SPOCK3: variants seen among roughly 807,000 people sequenced by gnomAD.
The protein encoded by SPOCK3 is SPARC (osteonectin), cwcv and kazal like domains proteoglycan 3, also known as testican-3.
In SPOCK3, 30 loss-of-function variants were observed where a neutral mutation model predicts 56.6. The ratio of observed to expected loss-of-function variants is 0.53; its 90% CI spans 0.40 to 0.72. The LOEUF (loss-of-function observed/expected upper bound fraction) is 0.72, where lower values mean the gene tolerates loss of function less well. Among genes scored for constraint, SPOCK3 ranks in the 30% least tolerant of loss-of-function variants. The pLI is 0.00. For missense variants in SPOCK3, 527 were observed against 530.0 expected (o/e 0.99, Z 0.06); for synonymous variants, 196 against 183.3 (o/e 1.07, Z -0.56).
At chr4:167,152,171 A>C (rs1004941342) in intron 2 of SPOCK3, among the ~76,000 whole-genome samples, 4 of 152,210 alleles carry the variant, frequency 2.6e-5, no homozygotes, top group African/African-American at 9.6e-5. Flanking sequence ...CGTGCGTCCT[A>C]AAGTGGCCAT....
At chr4:167,232,020 A>T (rs1465660345) in intron 2 of SPOCK3, among the ~76,000 whole-genome samples, 2 of 150,718 alleles carry the variant, frequency 1.3e-5, no homozygotes, top group African/African-American at 4.9e-5. Context: ...TACAATTTTG[A>T]TGGACTTTTT....
intron 6 of SPOCK3, among the ~76,000 whole-genome samples, chr4:166,806,615 AAATATGTGAAT>A (rs1743192139): frequency 6.6e-6 from 1 of 152,190 alleles, no homozygotes; most frequent in African/African-American, 2.4e-5. Context: ...CATATATATC[AAATATGTGAAT>A]GTATTATGTA....
intron 4 of SPOCK3, among the ~76,000 whole-genome samples, chr4:166,933,976 TG>T (rs1339742063): frequency 2.0e-5 from 3 of 152,124 alleles, no homozygotes; most frequent in African/African-American, 7.2e-5. Context: ...GTCCTCTATC[TG>T]TGACCCAGGA....
At chr4:167,231,203 T>C (rs1737143482) in intron 2 of SPOCK3, among the ~76,000 whole-genome samples, 1 of 152,040 alleles carries the variant, frequency 6.6e-6, no homozygotes, top group Non-Finnish European at 1.5e-5. Context: ...ATTGTATTTT[T>C]AAATATTATT....
At chr4:166,767,024 C>T (rs184383150) in intron 7 of SPOCK3, among the ~76,000 whole-genome samples, 58 of 152,188 alleles carry the variant, frequency 3.8e-4, no homozygotes, top group African/African-American at 1.2e-3. Context: ...TCTGTGGGAT[C>T]GGTGGTGATA....
chr4:166,769,754 G>A (rs1468814957), intron 7 of SPOCK3, among the ~76,000 whole-genome samples: 1 of 152,150 alleles, frequency 6.6e-6, no homozygotes, highest in Non-Finnish European at 1.5e-5. Flanking sequence ...GGTTTCTGCT[G>A]CCTTTTGTTC....
intron 5 of SPOCK3, among the ~76,000 whole-genome samples, chr4:166,899,893 C>G (rs1735857066): frequency 6.6e-6 from 1 of 152,166 alleles, no homozygotes; most frequent in Non-Finnish European, 1.5e-5. Flanking sequence ...AAACTGCTAT[C>G]TCTTTGATTC....
At chr4:167,154,061 A>C (rs1764618477) in intron 2 of SPOCK3, among the ~76,000 whole-genome samples, 1 of 152,124 alleles carries the variant, frequency 6.6e-6, no homozygotes. Flanking sequence ...TCACATATTT[A>C]GTTTTTCTGT....
At chr4:167,213,771 A>AACTACCTTG (rs575881975) in intron 2 of SPOCK3, among the ~76,000 whole-genome samples, 1,627 of 152,248 alleles carry the variant, frequency 0.011, 27 homozygotes, top group African/African-American at 0.031. Flanking sequence ...CTAAAAGATG[A>AACTACCTTG]CATATGGTGA....
At chr4:166,764,597 C>T (rs1737723443) in intron 7 of SPOCK3, among the ~76,000 whole-genome samples, 1 of 152,120 alleles carries the variant, frequency 6.6e-6, no homozygotes, top group Non-Finnish European at 1.5e-5. Flanking sequence ...TATTGATGGA[C>T]ATTTGGGTTG....
At chr4:166,932,315 C>A (rs528986145) in intron 4 of SPOCK3, among the ~76,000 whole-genome samples, 104 of 152,222 alleles carry the variant, frequency 6.8e-4, no homozygotes, top group African/African-American at 2.4e-3. Context: ...AGTGTGTACT[C>A]TTGGATATAA....
chr4:167,017,603 T>C (rs1347463988), intron 3 of SPOCK3, among the ~76,000 whole-genome samples: 11 of 152,102 alleles, frequency 7.2e-5, no homozygotes, highest in Non-Finnish European at 1.6e-4. Context: ...GAAAAGTGAA[T>C]GAGGAGACAG....
At chr4:167,043,646 T>C (rs1227457825) in intron 3 of SPOCK3, among the ~76,000 whole-genome samples, 1 of 151,980 alleles carries the variant, frequency 6.6e-6, no homozygotes, top group Non-Finnish European at 1.5e-5. Flanking sequence ...TTATCATGAA[T>C]AGGTGTTGAA....
At chr4:167,038,078 A>G (rs535671487) in intron 3 of SPOCK3, among the ~76,000 whole-genome samples, 1 of 152,192 alleles carries the variant, frequency 6.6e-6, no homozygotes, top group Non-Finnish European at 1.5e-5. Context: ...GGCACATGCT[A>G]TGAGACCCCA....
intron 3 of SPOCK3, among the ~76,000 whole-genome samples, chr4:167,032,366 G>GT (rs1206970880): frequency 2.6e-5 from 4 of 151,894 alleles, no homozygotes; most frequent in African/African-American, 9.7e-5. Context: ...AGCAAACTGA[G>GT]TATCACAAAG....
chr4:167,078,527 A>T (rs944166468), intron 2 of SPOCK3, among the ~76,000 whole-genome samples: 7 of 151,722 alleles, frequency 4.6e-5, no homozygotes, highest in African/African-American at 1.7e-4. Context: ...AGCAAGCCTA[A>T]GTGTTTTAAG....
At chr4:166,824,023 C>A (rs1745199448) in intron 6 of SPOCK3, among the ~76,000 whole-genome samples, 1 of 152,010 alleles carries the variant, frequency 6.6e-6, no homozygotes, top group Non-Finnish European at 1.5e-5. Context: ...AGTTCTCTGA[C>A]CCAGTGTCCC....
chr4:166,778,502 G>T (rs1283111781), intron 7 of SPOCK3, among the ~76,000 whole-genome samples: 1 of 152,126 alleles, frequency 6.6e-6, no homozygotes, highest in East Asian at 1.9e-4. Flanking sequence ...CAGATTTGGC[G>T]AGGGGAAGGG....
chr4:167,202,529 T>C (rs1424705813), intron 2 of SPOCK3, among the ~76,000 whole-genome samples: 3 of 151,976 alleles, frequency 2.0e-5, no homozygotes, highest in Non-Finnish European at 4.4e-5. Context: ...ACATGCATCC[T>C]AGCATTTATG....
Sources: gnomAD v4.1 joint callset for allele counts (sites outside exome capture counted in the v4.1 genomes callset) on GRCh38, gnomAD v4.1.1 for gene constraint, MANE v1.5 for transcripts, NCBI Gene and HGNC (gene_info 2026-07-23, HGNC 2026-07-21) for gene names.